The following SQOR variants were observed in gnomAD, a reference collection of about 807,000 sequenced individuals.
The protein encoded by SQOR is sulfide:quinone oxidoreductase, mitochondrial.
SQOR carries 39 observed loss-of-function variants against 48.6 expected under a neutral mutation model. The observed-to-expected ratio is 0.80, with a 90% CI of 0.62 to 1.05. The LOEUF is 1.05. Ranked by LOEUF, SQOR falls within the 50% of genes least tolerant of loss-of-function variation. The pLI, the probability that SQOR is intolerant of heterozygous loss-of-function variation, is 0.00. For synonymous variants in SQOR, 220 were observed against 206.2 expected, an observed-to-expected ratio of 1.07 and a Z score of -0.57; for missense variants, 561 against 559.9, an observed-to-expected ratio of 1.00 and a Z score of -0.02.
intron 1 of SQOR, among the ~76,000 whole-genome samples, chr15:45,649,007 C>T (rs1280612392): frequency 1.4e-4 from 21 of 152,232 alleles, no homozygotes; most frequent in Admixed American, 1.4e-3. Context: ...GATGACAATC[C>T]TTGGCTTGGT....
At chr15:45,688,233 A>AT in intron 7 of SQOR, 104 bp from the exon 8 acceptor site, 1 of 760,578 alleles carries the variant, frequency 1.3e-6, no homozygotes, top group African/African-American at 1.8e-5. Flanking sequence ...GTCTTGAGGG[A>AT]TGGGAAATGG....
intron 1 of SQOR, among the ~76,000 whole-genome samples, chr15:45,652,398 G>A (rs1889509757): frequency 6.6e-6 from 1 of 152,066 alleles, no homozygotes; most frequent in Non-Finnish European, 1.5e-5. Flanking sequence ...GCAGGGGTGT[G>A]ATCTCAGCTC....
At position 45,676,268 on chromosome 15, in the gene SQOR, A is replaced by G. The variant is rs1247683446; in HGVS notation, c.822A>G (p.Val274=). The G allele has an allele frequency of 6.2e-7, 1 of 1,614,120 alleles. No individual in the cohort carries two copies. The highest frequency in any genetic ancestry group is 2.2e-5 in the East Asian group (1 of 44,882). ...IEVRADKQEA[V]FENLDKPGET... Reference sequence around the variant, plus strand: ...TCCGAGCCGATAAACAAGAGGCTGTATTTGAGAACCTGGACAAACCAGGAG... The same window carrying G: ...TCCGAGCCGATAAACAAGAGGCTGTGTTTGAGAACCTGGACAAACCAGGAG... Residue 274 remains valine, a synonymous_variant, in exon 6 of 10, where the codon GTA becomes GTG. Coordinates refer to ENST00000260324, the MANE Select transcript of SQOR (RefSeq NM_021199.4).
chr15:45,632,442 G>A (rs569833264), upstream of SQOR, among the ~76,000 whole-genome samples: 9 of 151,838 alleles, frequency 5.9e-5, no homozygotes, highest in East Asian at 1.9e-4. Context: ...GGCTGGTCTC[G>A]AACTCCTGAC....
At chr15:45,663,066 G>A (rs950956184) in intron 3 of SQOR, among the ~76,000 whole-genome samples, 1 of 152,146 alleles carries the variant, frequency 6.6e-6, no homozygotes, top group African/African-American at 2.4e-5. Context: ...CACCCAGGCT[G>A]GAGTGCAGTG....
intron 1 of SQOR, among the ~76,000 whole-genome samples, chr15:45,647,103 G>A (rs1889354544): frequency 6.6e-6 from 1 of 151,988 alleles, no homozygotes; most frequent in African/African-American, 2.4e-5. Context: ...ATATAAATTA[G>A]CTGGGTGTTG....
chr15:45,633,256 G>A (rs1003510301), upstream of SQOR, among the ~76,000 whole-genome samples: 2 of 152,146 alleles, frequency 1.3e-5, no homozygotes, highest in African/African-American at 2.4e-5. Context: ...AGTTATTTAG[G>A]TTCTAGTTCA....
At chr15:45,688,802 C>T (rs1010113481) in intron 8 of SQOR, among the ~76,000 whole-genome samples, 6 of 152,098 alleles carry the variant, frequency 3.9e-5, no homozygotes, top group South Asian at 2.1e-4. Context: ...TGTGAGCCAC[C>T]GCGCCTGGCC....
Position 45,670,546 on chromosome 15 carries a change from T to G in SQOR, c.459+565T>G, listed in dbSNP as rs184470076. ...CAATTTGAAAGTTTTGAGATTCAACTTCATTTTTCTAAAACATAGCAGAGT... is the reference window on the plus strand; with the variant it reads ...CAATTTGAAAGTTTTGAGATTCAACGTCATTTTTCTAAAACATAGCAGAGT... On this transcript the variant is annotated intron_variant, in intron 4 of 9. Transcript: ENST00000260324. Among the ~76,000 whole-genome samples the G allele has an allele frequency of 5.3e-5, 8 of 152,366 alleles. No homozygotes were observed. In the South Asian group the frequency reaches 1.0e-3, roughly 20 times the overall value.
At chr15:45,635,594 G>A (rs890370459) in intron 1 of SQOR, among the ~76,000 whole-genome samples, 2 of 152,308 alleles carry the variant, frequency 1.3e-5, no homozygotes, top group Middle Eastern at 3.4e-3. Context: ...AGAGGATTTA[G>A]GGCACCTGCT....
At chr15:45,676,398 C>A (rs1890037971) in intron 6 of SQOR, 88 bp downstream of exon 6, 2 of 1,308,660 alleles carry the variant, frequency 1.5e-6, no homozygotes, top group African/African-American at 1.5e-5. Flanking sequence ...CCCTATCTGC[C>A]ATCATTGTGT....
intron 4 of SQOR, among the ~76,000 whole-genome samples, chr15:45,670,783 G>A (rs1448446796): frequency 6.6e-6 from 1 of 152,230 alleles, no homozygotes; most frequent in African/African-American, 2.4e-5. Context: ...GGGTTGTGTT[G>A]TGGGAAAGTT....
chr15:45,648,854 C>A (rs571378860), intron 1 of SQOR, among the ~76,000 whole-genome samples: 59 of 152,308 alleles, frequency 3.9e-4, no homozygotes, highest in Admixed American at 7.2e-4. Flanking sequence ...TGGAAGTGTT[C>A]TACAAAGGTG....
At chr15:45,653,049 A>G (rs1041528532) in intron 1 of SQOR, among the ~76,000 whole-genome samples, 9 of 152,166 alleles carry the variant, frequency 5.9e-5, no homozygotes, top group Admixed American at 5.9e-4. Flanking sequence ...GTTTAGGTCA[A>G]TGTCAGAAAT....
At chr15:45,675,736 C>T (rs1890024805) in intron 5 of SQOR, among the ~76,000 whole-genome samples, 2 of 152,072 alleles carry the variant, frequency 1.3e-5, no homozygotes, top group South Asian at 4.1e-4. Context: ...CCCTCAGCAC[C>T]TAGGACAGTA....
At chr15:45,655,718 C>G (rs1448232341) in intron 1 of SQOR, among the ~76,000 whole-genome samples, 1 of 148,412 alleles carries the variant, frequency 6.7e-6, no homozygotes, top group Non-Finnish European at 1.5e-5. Flanking sequence ...GAGTCTCACT[C>G]TGTTGCCCAG....
chr15:45,677,927 C>T (rs1363539031), intron 6 of SQOR, among the ~76,000 whole-genome samples: 7 of 152,114 alleles, frequency 4.6e-5, no homozygotes, highest in African/African-American at 7.2e-5. Flanking sequence ...AGGCTGGTCT[C>T]GAACTGCTGA....
intron 6 of SQOR, among the ~76,000 whole-genome samples, chr15:45,680,917 C>T (rs1451017353): frequency 6.6e-6 from 1 of 151,794 alleles, no homozygotes; most frequent in Non-Finnish European, 1.5e-5. Context: ...AGTTCAAAAA[C>T]GTAGTTCTAG....
chr15:45,636,427 CGG>C (rs1453235254), intron 1 of SQOR, among the ~76,000 whole-genome samples: 2 of 135,454 alleles, frequency 1.5e-5, no homozygotes, highest in Non-Finnish European at 3.1e-5. Flanking sequence ...TTTTTTGAGA[CGG>C]AGTCTCACTC....
Sources: allele counts gnomAD v4.1 joint callset (sites outside exome capture counted in the v4.1 genomes callset), GRCh38; gene constraint gnomAD v4.1.1; transcripts MANE v1.5; gene names NCBI Gene and HGNC (gene_info 2026-07-23, HGNC 2026-07-21).